The following CILP2 variants were observed in gnomAD, a reference collection of about 807,000 sequenced individuals.
CILP2 encodes CILP-2.
Under a neutral mutation model 45.6 loss-of-function variants are expected in CILP2, and 38 were observed. The ratio of observed to expected loss-of-function variants is 0.83; its 90% confidence interval spans 0.64 to 1.09. The LOEUF is 1.09. CILP2 is among the 50% of genes least tolerant of loss of function. The probability of loss-of-function intolerance (pLI) is 0.00; values close to 1 mark genes in which losing one functional copy is unlikely to be tolerated. For missense variants in CILP2, 1,735 were observed against 1,662.2 expected (o/e 1.04, Z -0.76); for synonymous variants, 780 against 723.5 (o/e 1.08, Z -1.25).
chr19:19,543,512 C>A, intron 7 of CILP2, 107 bp downstream of exon 7: 1 of 1,434,882 alleles, frequency 7.0e-7, no homozygotes, highest in Non-Finnish European at 9.6e-7. Flanking sequence ...TGATCCAATC[C>A]TAGGCCTCCA....
chr19:19,545,527 G>C lies in CILP2; in HGVS notation c.2982G>C (p.Lys994Asn). 6.2e-7 allele frequency: 1 copy of C among 1,612,650 alleles called. No homozygotes were observed. Among genetic ancestry groups the C allele is most frequent in the Non-Finnish European group, 8.5e-7 (1 of 1,179,814 alleles). The change falls in exon 8 of 8, where the codon AAG becomes AAC. Residue 994 changes from lysine to asparagine, a missense_variant. By Grantham distance (94) the Lys-to-Asn change is moderately conservative. Transcript: ENST00000291495. The stretch of plus-strand genomic sequence containing the variant: ...CCTCGGCAGCCTGCGTGGAGTTCAA[G>C]TGCAGCGGGATGCTGTTCGACCAGC... ...PGTSAACVEFKCSGMLFDQRQ... is the reference protein window; with the variant it reads ...PGTSAACVEFNCSGMLFDQRQ...
In CILP2 at chr19:19,544,501, C is replaced by A; in HGVS notation, c.1956C>A (p.Ser652=). 1 of 1,601,906 alleles carries A rather than the reference C, an allele frequency of 6.2e-7. No homozygotes were observed. The change falls in exon 8 of 8, where the codon TCC becomes TCA. Residue 652 remains serine (S), a synonymous_variant. Coordinates refer to ENST00000291495, the MANE Select transcript of CILP2 (RefSeq NM_153221.2). Reference sequence around the variant, plus strand: ...CCGTGGACCTCCGTGCGCCCGGCTCCGCGGAGCAGCTGCAGGTGGGGCCGG... The same window carrying A: ...CCGTGGACCTCCGTGCGCCCGGCTCAGCGGAGCAGCTGCAGGTGGGGCCGG... ...MFSVDLRAPG[S]AEQLQVGPVA... is the part of the protein sequence containing the mutation.
In CILP2 at chr19:19,545,808, T is replaced by C; in HGVS notation, c.3263T>C (p.Phe1088Ser). The change falls in exon 8 of 8, where the codon TTC (phenylalanine) becomes TCC (serine). Residue 1088 changes from phenylalanine to serine, a missense_variant. Phe to Ser is a radical substitution (Grantham distance 155). Coordinates refer to ENST00000291495, the MANE Select transcript of CILP2 (RefSeq NM_153221.2). ...GRCFDGSSDG[F>S]SREMKADAGT... ...TGCTTTGATGGTTCCTCTGACGGCT[T>C]CTCCAGAGAGATGAAGGCTGATGCC... 1 of 1,590,722 alleles carries C rather than the reference T, an allele frequency of 6.3e-7. No homozygotes were observed. Among genetic ancestry groups the C allele is most frequent in the Non-Finnish European group, 8.6e-7 (1 of 1,165,286 alleles).
At position 19,545,160 on chromosome 19, in the gene CILP2, C is replaced by T. The variant is rs142531710; in HGVS notation, c.2615C>T (p.Ala872Val). 630 of 1,612,636 alleles carry T rather than the reference C, an allele frequency of 3.9e-4. 1 individual carries two copies. Among genetic ancestry groups the T allele is most frequent in the Non-Finnish European group, 4.8e-4 (565 of 1,179,888 alleles). ...NLAKPRPGDP[A>V]EANGPVYPWR... Reference sequence around the variant, plus strand: ...GCCAAGCCCAGGCCAGGTGACCCCGCCGAGGCCAATGGGCCTGTGTACCCG... The same window carrying T: ...GCCAAGCCCAGGCCAGGTGACCCCGTCGAGGCCAATGGGCCTGTGTACCCG... Residue 872 changes from alanine to valine, a missense_variant, in exon 8 of 8, where the codon GCC becomes GTC. Physicochemically the swap from Ala to Val is moderately conservative, Grantham distance 64. Transcript: ENST00000291495.
intron 4 of CILP2, 61 bp from the exon 5 acceptor site, chr19:19,542,314 G>C (rs1219377234): frequency 2.6e-6 from 4 of 1,525,366 alleles, no homozygotes; most frequent in Non-Finnish European, 3.5e-6. Context: ...TGAATGGAAA[G>C]CCCTCCTCAG....
At chr19:19,542,110 G>A (rs867370470) in intron 4 of CILP2, among the ~76,000 whole-genome samples, 1 of 152,168 alleles carries the variant, frequency 6.6e-6, no homozygotes. Context: ...CATATTTTGA[G>A]ACTTACCTCT....
Position 19,543,907 on chromosome 19 carries a change from C to T in CILP2, c.1362C>T (p.Val454=). The change falls in exon 8 of 8, where the codon GTC becomes GTT. Residue 454 remains valine (V), a synonymous_variant. Coordinates refer to ENST00000291495, the MANE Select transcript of CILP2 (RefSeq NM_153221.2). ...ERREIHCPGY[V]LPVKVVAECG... Reference sequence around the variant, plus strand: ...GGGAGATTCACTGCCCTGGCTACGTCCTCCCAGTGAAGGTGGTGGCAGAGT... The same window carrying T: ...GGGAGATTCACTGCCCTGGCTACGTTCTCCCAGTGAAGGTGGTGGCAGAGT... 6.2e-7 allele frequency: 1 copy of T among 1,613,766 alleles called. No homozygotes were observed. Among genetic ancestry groups the T allele is most frequent in the Non-Finnish European group, 8.5e-7 (1 of 1,179,762 alleles).
chr19:19,539,761 C>A lies in CILP2; in HGVS notation c.147C>A (p.Ala49=). ...RSVYTGQPSP[A]LEDWEEASEW... is the part of the protein sequence containing the mutation. ...TGTACACCGGCCAGCCCTCACCAGC[C>A]CTGGAGGACTGGGAAGGTGAGTTAG... Residue 49 remains alanine, a synonymous_variant, in exon 2 of 8, where the codon GCC becomes GCA. Transcript: ENST00000291495. The A allele has an allele frequency of 6.3e-7, 1 of 1,596,746 alleles. No individual in the cohort carries two copies. Among genetic ancestry groups the A allele is most frequent in the Non-Finnish European group, 8.5e-7 (1 of 1,169,978 alleles).
intron 1 of CILP2, 62 bp downstream of exon 1, chr19:19,538,475 T>C: frequency 1.5e-6 from 2 of 1,330,804 alleles, no homozygotes; most frequent in Admixed American, 6.1e-5. Flanking sequence ...GCAGCCGGCC[T>C]TGGGTGAAGC....
chr19:19,539,581 G>GGA, intron 1 of CILP2, 98 bp from the exon 2 acceptor site: 1 of 522,418 alleles, frequency 1.9e-6, no homozygotes, highest in South Asian at 4.7e-5. Context: ...AAAAAAAAAA[G>GGA]GGGGGGGATG....
rs1456770400 is a variant in CILP2 at position 19,542,420 on chromosome 19, G to T, written c.638G>T (p.Gly213Val). Residue 213 changes from glycine (G) to valine (V), a missense_variant, in exon 5 of 8, where the codon GGC becomes GTC. Coordinates refer to ENST00000291495, the MANE Select transcript of CILP2 (RefSeq NM_153221.2). ...GAATGCCCGGACCACATCCTCCTGG[G>T]CTCGGTGGTCACCCCATCTGGGCAA... ...TCECPDHILL[G>V]SVVTPSGQPL... The T allele has an allele frequency of 6.2e-7, 1 of 1,612,082 alleles. No homozygotes were observed. Among genetic ancestry groups the T allele is most frequent in the Non-Finnish European group, 8.5e-7 (1 of 1,179,932 alleles).
chr19:19,545,257 G>A lies in CILP2; in HGVS notation c.2712G>A (p.Ala904=), dbSNP rs772523397. The change falls in exon 8 of 8, where the codon GCG becomes GCA. Residue 904 remains alanine (A), a synonymous_variant. Coordinates refer to ENST00000291495, the MANE Select transcript of CILP2 (RefSeq NM_153221.2). ...ACTTCCGCTTCGCCAGGGTGGAGGC[G>A]GACAAGTACGAGTACAACGTGGTCC... The part of the protein sequence containing the change: ...ASHFRFARVE[A]DKYEYNVVPF... 13 of 1,612,348 alleles carry A rather than the reference G, an allele frequency of 8.1e-6. No homozygotes were observed. The highest frequency in any genetic ancestry group is 1.7e-5 in the Admixed American group (1 of 59,980).
intron 1 of CILP2, 108 bp from the exon 2 acceptor site, chr19:19,539,563 CAAAAAAAA>C: frequency 2.6e-6 from 1 of 390,902 alleles, no homozygotes; most frequent in East Asian, 3.9e-5. Context: ...GATTCCGTCT[CAAAAAAAA>C]AAAAAAAAAG....
chr19:19,540,487 G>A lies in CILP2; in HGVS notation c.436+11G>A. 7.1e-7 allele frequency: 1 copy of A among 1,409,346 alleles called. No individual in the cohort carries two copies. The highest frequency in any genetic ancestry group is 1.5e-5 in the South Asian group (1 of 65,358). 87.3% of individuals were successfully genotyped at this position (1,409,346 alleles called of 1,614,324 possible). ...TCCGCTGCCCACTAGGTGAGGGCGG[G>A]GCTGGATGACGGGGGCGGGGCTTTG... On this transcript the variant is annotated intron_variant, in intron 3 of 7. Coordinates refer to ENST00000291495, the MANE Select transcript of CILP2 (RefSeq NM_153221.2).
chr19:19,541,966 A>T (rs1654427192), intron 4 of CILP2, among the ~76,000 whole-genome samples: 1 of 152,134 alleles, frequency 6.6e-6, no homozygotes, highest in Non-Finnish European at 1.5e-5. Flanking sequence ...TGAAGTTTCC[A>T]GTGGAATTTT....
At position 19,546,199 on chromosome 19, in the gene CILP2, A is replaced by T. The variant is rs2061264893; in HGVS notation, c.*183A>T. On this transcript the variant is annotated 3_prime_UTR_variant, in exon 8 of 8. Transcript: ENST00000291495. ...CCGATGGTAGAAACACCAGGAAGAC[A>T]ATTGTTGCTGTGTGGTATGGAATGG... 2.0e-6 allele frequency: 1 copy of T among 488,710 alleles called. No individual in the cohort carries two copies. The allele number at this position is 488,710 out of a possible 1,614,324, so 30.3% of individuals were successfully genotyped here.
intron 3 of CILP2, chr19:19,540,780 C>A: frequency 2.2e-6 from 1 of 450,418 alleles, no homozygotes. Flanking sequence ...CTCATTTGAG[C>A]ATCTGTAAGA....
Position 19,545,619 on chromosome 19 carries a change from G to T in CILP2, c.3074G>T (p.Gly1025Val), listed in dbSNP as rs780593942. The change falls in exon 8 of 8, where the codon GGA (glycine) becomes GTA (valine). Residue 1025 changes from glycine to valine, a missense_variant. By Grantham distance (109) the Gly-to-Val change is moderately radical. Transcript: ENST00000291495. ...AGCTGCCGGCGCGTGGCCGTCAACGGACTCCTTCGGGATTACCTGACCCGG... is the reference window on the plus strand; with the variant it reads ...AGCTGCCGGCGCGTGGCCGTCAACGTACTCCTTCGGGATTACCTGACCCGG... ...QGSCRRVAVN[G>V]LLRDYLTRHP... The T allele has an allele frequency of 4.7e-5, 75 of 1,608,092 alleles. No individual in the cohort carries two copies. In the Admixed American group the frequency reaches 1.2e-3, roughly 27 times the overall value.
intron 4 of CILP2, 100 bp downstream of exon 4, chr19:19,541,346 C>T (rs2061243257): frequency 1.0e-5 from 11 of 1,088,810 alleles, no homozygotes; most frequent in Non-Finnish European, 1.3e-5. Flanking sequence ...GAGGCGGTGC[C>T]TGGATGTAGA....
Sources: gnomAD v4.1 joint callset for allele counts (sites outside exome capture counted in the v4.1 genomes callset) on GRCh38, gnomAD v4.1.1 for gene constraint, MANE v1.5 for transcripts, NCBI Gene and HGNC (gene_info 2026-07-23, HGNC 2026-07-21) for gene names.